The following PAX3 variants were observed in gnomAD, a reference collection of about 807,000 sequenced individuals.
The protein encoded by PAX3 is paired box protein Pax-3.
A neutral mutation model predicts 51.6 loss-of-function variants in PAX3; 14 were observed. The observed-to-expected ratio is 0.27, with a 90% CI of 0.18 to 0.42. The LOEUF (loss-of-function observed/expected upper bound fraction) is 0.42. Ranked by LOEUF, PAX3 falls within the 10% of genes least tolerant of loss-of-function variation. The pLI is 1.00. For synonymous variants in PAX3, 280 were observed against 253.4 expected, an observed-to-expected ratio of 1.11 and a Z score of -1.00; for missense variants, 540 against 642.8, an observed-to-expected ratio of 0.84 and a Z score of 1.73.
At chr2:222,272,172 G>T (rs968361995) in intron 4 of PAX3, among the ~76,000 whole-genome samples, 6 of 152,200 alleles carry the variant, frequency 3.9e-5, no homozygotes, top group Non-Finnish European at 7.3e-5. Context: ...GGCACACTTA[G>T]AGGAAACTCT....
chr2:222,203,261 A>G (rs1364637257), intron 7 of PAX3, among the ~76,000 whole-genome samples: 1 of 151,680 alleles, frequency 6.6e-6, no homozygotes. Flanking sequence ...TGGATAATTA[A>G]TTTTGCAGCT....
rs964974290 is a variant in PAX3, at chr2:222,201,108, A to G, written c.*300T>C. 4 of 1,545,472 alleles carry G rather than the reference A, an allele frequency of 2.6e-6. No individual in the cohort carries two copies. The highest frequency in any genetic ancestry group is 1.7e-5 in the Admixed American group (1 of 59,162). Reference sequence around the variant, plus strand: ...TTCTAGCTCCTCGATGATCAGCACTAAAGAATTGGGATGTTTTGATATGTA... The same window carrying G: ...TTCTAGCTCCTCGATGATCAGCACTGAAGAATTGGGATGTTTTGATATGTA... On this transcript the variant is annotated 3_prime_UTR_variant, in exon 9 of 9. Transcript: ENST00000392070.
intron 4 of PAX3, 90 bp from the exon 5 acceptor site, chr2:222,232,373 C>G (rs1692629868): frequency 6.3e-6 from 7 of 1,116,842 alleles, no homozygotes; most frequent in Non-Finnish European, 9.4e-6. Context: ...GACTGCAAGA[C>G]ACCATTACAG....
At chr2:222,260,088 T>C (rs1015547301) in intron 4 of PAX3, among the ~76,000 whole-genome samples, 2 of 152,230 alleles carry the variant, frequency 1.3e-5, no homozygotes, top group Admixed American at 1.3e-4. Flanking sequence ...TTGCCCAGGC[T>C]GGCCTGGAAC....
chr2:222,235,724 C>T (rs922270538), intron 4 of PAX3, among the ~76,000 whole-genome samples: 1 of 152,060 alleles, frequency 6.6e-6, no homozygotes. Context: ...CTCCCTTGAT[C>T]CTGACTTTGA....
intron 4 of PAX3, among the ~76,000 whole-genome samples, chr2:222,285,372 A>G (rs1694795914): frequency 1.3e-5 from 2 of 152,248 alleles, no homozygotes; most frequent in Non-Finnish European, 2.9e-5. Flanking sequence ...ACTCAAAGGC[A>G]AGGGCCAATG....
At chr2:222,209,686 T>A (rs1443123651) in intron 7 of PAX3, among the ~76,000 whole-genome samples, 1 of 64,936 alleles carries the variant, frequency 1.5e-5, no homozygotes, top group African/African-American at 5.6e-5. Context: ...ACAGCAAAAC[T>A]CTGTCTCTAC....
intron 7 of PAX3, among the ~76,000 whole-genome samples, chr2:222,210,082 C>T (rs1691668300): frequency 6.6e-6 from 1 of 152,134 alleles, no homozygotes; most frequent in Non-Finnish European, 1.5e-5. Context: ...TTCTCTTTTC[C>T]ACCTGATGAC....
intron 4 of PAX3, among the ~76,000 whole-genome samples, chr2:222,279,078 G>C (rs570618824): frequency 9.2e-4 from 140 of 152,292 alleles, no homozygotes; most frequent in African/African-American, 3.3e-3. Context: ...AGCTTCCCAA[G>C]TAGCTGGGAC....
rs1553583540 is a variant in PAX3 at position 222,265,691 on chromosome 2, G to GAAGGAAGGAAGA, written c.586+28475_586+28476insTCTTCCTTCCTT. 7.2e-3 allele frequency among the ~76,000 whole-genome samples: 1,022 copies of GAAGGAAGGAAGA among 142,130 alleles called. 14 individuals are homozygous for GAAGGAAGGAAGA. Among genetic ancestry groups the GAAGGAAGGAAGA allele is most frequent in the Middle Eastern group, 0.054 (15 of 280 alleles). The allele number at this position is 142,130 out of a possible 152,430, so 93.2% of individuals were successfully genotyped here. A position where few individuals can be genotyped will look rare whatever the true frequency, so the allele number is the denominator to read the frequency against. On this transcript the variant is annotated intron_variant, in intron 4 of 8. Coordinates refer to ENST00000392070, the MANE Select transcript of PAX3 (RefSeq NM_181458.4). ...GGAAGGAAGGAAGGAAGGAAGGAAG[G>GAAGGAAGGAAGA]GAGAAAGATTGATTTTGATTTTTCC...
At chr2:222,291,241 C>T (rs1413071960) in intron 4 of PAX3, among the ~76,000 whole-genome samples, 1 of 152,228 alleles carries the variant, frequency 6.6e-6, no homozygotes, top group Non-Finnish European at 1.5e-5. Flanking sequence ...CCCCCGGCTG[C>T]CTCTGCTCCA....
intron 7 of PAX3, among the ~76,000 whole-genome samples, chr2:222,205,216 G>T (rs1411753691): frequency 6.6e-6 from 1 of 152,156 alleles, no homozygotes; most frequent in Non-Finnish European, 1.5e-5. Flanking sequence ...TACCCTGTTT[G>T]CAGAGCCGTA....
At chr2:222,278,586 T>C (rs144128437) in intron 4 of PAX3, among the ~76,000 whole-genome samples, 62 of 152,318 alleles carry the variant, frequency 4.1e-4, no homozygotes, top group African/African-American at 1.3e-3. Flanking sequence ...ACTGAGGAAG[T>C]GTGGGAAATC....
rs1274135894 is a variant in PAX3, at chr2:222,256,347, C to T, written c.587-24064G>A. 6.6e-5 allele frequency among the ~76,000 whole-genome samples: 10 copies of T among 152,116 alleles called. No homozygotes were observed. In the South Asian group the frequency reaches 1.2e-3, roughly 19 times the overall value. On this transcript the variant is annotated intron_variant, in intron 4 of 8. Transcript: ENST00000392070. ...ACAGTGCTCACCATCCTCTGGACGA[C>T]GCCTTGATAGGAGCAGGACGTCCTC...
At chr2:222,208,106 C>A (rs1467302459) in intron 7 of PAX3, among the ~76,000 whole-genome samples, 4 of 151,826 alleles carry the variant, frequency 2.6e-5, no homozygotes, top group South Asian at 2.1e-4. Context: ...AAAGTTCATT[C>A]CACCTAAATG....
chr2:222,201,135 C>G lies in PAX3; in HGVS notation c.*273G>C. ...AGAATTGGGATGTTTTGATATGTAA[C>G]CATGTGAAACCATTGCCTTAAAATG... On this transcript the variant is annotated 3_prime_UTR_variant, in exon 9 of 9. Coordinates refer to ENST00000392070, the MANE Select transcript of PAX3 (RefSeq NM_181458.4). 1.2e-6 allele frequency: 2 copies of G among 1,607,648 alleles called. No homozygotes were observed. Among genetic ancestry groups the G allele is most frequent in the Non-Finnish European group, 1.7e-6 (2 of 1,174,566 alleles).
In PAX3 at chr2:222,292,244, A is replaced by G. The variant is rs61007286; in HGVS notation, c.586+1923T>C. On this transcript the variant is annotated intron_variant, in intron 4 of 8. Transcript: ENST00000392070. ...CCCTCATTGCAAGCCCATAATGTCT[A>G]TTCTCAGCCTTTTGTGGTGCTGTTT... is the stretch of plus-strand genomic sequence containing the variant. Among the ~76,000 whole-genome samples the G allele has an allele frequency of 3.3e-5, 5 of 152,214 alleles. No homozygotes were observed. The East Asian group carries it at 9.7e-4, about 29-fold the overall frequency.
intron 4 of PAX3, among the ~76,000 whole-genome samples, chr2:222,280,143 G>A (rs926890983): frequency 1.3e-5 from 2 of 151,882 alleles, no homozygotes; most frequent in Admixed American, 1.3e-4. Flanking sequence ...CGTGGGAGGT[G>A]GAGGTTGCAA....
At chr2:222,242,773 C>A (rs1693065107) in intron 4 of PAX3, 1 of 152,132 alleles carries the variant, frequency 6.6e-6, no homozygotes, top group Admixed American at 6.5e-5. Context: ...ATGTTCTGTA[C>A]AGTTACCAAG....
Sources: gnomAD v4.1 joint callset for allele counts (sites outside exome capture counted in the v4.1 genomes callset) on GRCh38, gnomAD v4.1.1 for gene constraint, MANE v1.5 for transcripts, NCBI Gene and HGNC (gene_info 2026-07-23, HGNC 2026-07-21) for gene names.